TM4SF20: variants seen among roughly 807,000 people sequenced by gnomAD.
TM4SF20 encodes transmembrane 4 L six family member 20.
Under a neutral mutation model 15.1 loss-of-function variants are expected in TM4SF20, and 13 were observed. The observed-to-expected ratio is 0.86, with a 90% CI of 0.56 to 1.36. The LOEUF (loss-of-function observed/expected upper bound fraction) is 1.36, where lower values mean the gene tolerates loss of function less well. TM4SF20 is among the 40% of genes most tolerant of loss of function. The probability of loss-of-function intolerance (pLI) is 0.00; values close to 1 mark genes in which losing one functional copy is unlikely to be tolerated. For synonymous variants in TM4SF20, 92 were observed against 96.6 expected, an observed-to-expected ratio of 0.95 and a Z score of 0.28; for missense variants, 282 against 268.4, an observed-to-expected ratio of 1.05 and a Z score of -0.35.
Position 227,363,989 on chromosome 2 carries a change from T to C in TM4SF20, c.425A>G (p.Asn142Ser). 2 of 1,612,976 alleles carry C rather than the reference T, an allele frequency of 1.2e-6. No individual in the cohort carries two copies. Among genetic ancestry groups the C allele is most frequent in the South Asian group, 2.2e-5 (2 of 90,704 alleles). ...AGAGTCATTGAAAAACCACTGCAAG[T>C]TGAAGGATTCTGGATGAATGTCACT... ...NISDIHPESFNLQWFFNDSCA... is the reference protein window; with the variant it reads ...NISDIHPESFSLQWFFNDSCA... Residue 142 changes from asparagine (N) to serine (S), a missense_variant, in exon 4 of 4, where the codon AAC (asparagine) becomes AGC (serine). Asn to Ser is a conservative substitution (Grantham distance 46, BLOSUM62 1). Transcript: ENST00000304568.
At chr2:227,366,330 A>G in intron 2 of TM4SF20, 86 bp from the exon 3 acceptor site, 4 of 1,210,472 alleles carry the variant, frequency 3.3e-6, no homozygotes, top group Non-Finnish European at 4.6e-6. Context: ...AGTCTTTTTT[A>G]AATCCAGTCG....
At chr2:227,364,101 G>A (rs1359800217) in intron 3 of TM4SF20, 89 bp from the exon 4 acceptor site, 7 of 1,297,444 alleles carry the variant, frequency 5.4e-6, no homozygotes, top group East Asian at 2.5e-5. Context: ...TGAGTGAAAC[G>A]AATGTACTTT....
upstream of TM4SF20, among the ~76,000 whole-genome samples, chr2:227,380,777 G>A (rs2076476112): frequency 2.0e-5 from 3 of 152,282 alleles, no homozygotes; most frequent in South Asian, 4.1e-4. Flanking sequence ...TGCAGTCAGT[G>A]TGGGCCAAAA....
intron 2 of TM4SF20, among the ~76,000 whole-genome samples, chr2:227,369,515 G>T (rs2076410333): frequency 7.2e-6 from 1 of 138,618 alleles, no homozygotes; most frequent in Non-Finnish European, 1.5e-5. Flanking sequence ...TGAAACCTTT[G>T]CCTCCTGGGT....
At chr2:227,376,909 T>G (rs1237943463) in intron 1 of TM4SF20, among the ~76,000 whole-genome samples, 1 of 152,242 alleles carries the variant, frequency 6.6e-6, no homozygotes, top group Non-Finnish European at 1.5e-5. Flanking sequence ...ATGCACACAT[T>G]ATTATAGAGA....
intron 1 of TM4SF20, among the ~76,000 whole-genome samples, chr2:227,374,088 TAA>T (rs79866106): frequency 0.03 from 2,531 of 85,122 alleles, 73 homozygotes; most frequent in African/African-American, 0.11. Context: ...AGACCCTGTC[TAA>T]AAAAAAAAAA....
chr2:227,366,398 C>T (rs1443697990), intron 2 of TM4SF20, among the ~76,000 whole-genome samples, 154 bp from the exon 3 acceptor site: 1 of 151,932 alleles, frequency 6.6e-6, no homozygotes, highest in African/African-American at 2.4e-5. Flanking sequence ...TACAAAAAGG[C>T]AGAGGGCAGT....
chr2:227,379,690 G>C (rs75688724), upstream of TM4SF20, among the ~76,000 whole-genome samples: 2,598 of 152,336 alleles, frequency 0.017, 76 homozygotes, highest in East Asian at 0.12. Flanking sequence ...CGTATGAGAT[G>C]TGGAGAAAGG....
At chr2:227,377,995 TA>T (rs147928359) in intron 1 of TM4SF20, among the ~76,000 whole-genome samples, 27 of 151,300 alleles carry the variant, frequency 1.8e-4, no homozygotes, top group East Asian at 7.8e-4. Flanking sequence ...AAAAAAAAGT[TA>T]AAAAAAAGTC....
At chr2:227,374,642 T>C (rs1374056690) in intron 1 of TM4SF20, among the ~76,000 whole-genome samples, 1 of 152,140 alleles carries the variant, frequency 6.6e-6, no homozygotes, top group Non-Finnish European at 1.5e-5. Flanking sequence ...CCCCTAATTG[T>C]ATTTAGTTTG....
chr2:227,363,929 C>T lies in TM4SF20; in HGVS notation c.485G>A (p.Ser162Asn). ...APPTGFNKPT[S>N]NDTMASGWRA... ...CCAGCCACTCGCCATGGTGTCGTTA[C>T]TGGTGGGTTTATTGAAACCAGTAGG... The change falls in exon 4 of 4, where the codon AGT becomes AAT. Residue 162 changes from serine (S) to asparagine (N), a missense_variant. By Grantham distance (46) the Ser-to-Asn change is conservative (BLOSUM62 1). Transcript: ENST00000304568. 1 of 1,614,158 alleles carries T rather than the reference C, an allele frequency of 6.2e-7. No individual in the cohort carries two copies. Among genetic ancestry groups the T allele is most frequent in the Non-Finnish European group, 8.5e-7 (1 of 1,180,030 alleles).
At chr2:227,380,823 C>T (rs538821651), upstream of TM4SF20, among the ~76,000 whole-genome samples, 1 of 152,176 alleles carries the variant, frequency 6.6e-6, no homozygotes, top group Admixed American at 6.5e-5. Flanking sequence ...CAGCGCTCCA[C>T]CCTGCAGCAG....
chr2:227,371,054 C>G, intron 1 of TM4SF20, 74 bp from the exon 2 acceptor site: 1 of 1,236,512 alleles, frequency 8.1e-7, no homozygotes. Context: ...TCTTCACCTT[C>G]CGTTTACCAC....
intron 1 of TM4SF20, among the ~76,000 whole-genome samples, chr2:227,378,418 G>C (rs538013402): frequency 6.6e-6 from 1 of 152,326 alleles, no homozygotes; most frequent in East Asian, 1.9e-4. Context: ...ATTCATGTCA[G>C]TTATATTTAG....
Position 227,379,093 on chromosome 2 carries a change from C to A in TM4SF20, c.176G>T (p.Gly59Val). 1.2e-6 allele frequency: 2 copies of A among 1,614,030 alleles called. No individual in the cohort carries two copies. Among genetic ancestry groups the A allele is most frequent in the Non-Finnish European group, 1.7e-6 (2 of 1,179,968 alleles). The change falls in exon 1 of 4, where the codon GGT (glycine) becomes GTT (valine). Residue 59 changes from glycine (G) to valine (V), a missense_variant. Transcript: ENST00000304568. ...EWWFPGIIGA[G>V]LMAIPATTMS... Reference sequence around the variant, plus strand: ...CAAATAAATATCACTCACCATCAGACCTGCTCCTATAATTCCTGGGAACCA... The same window carrying A: ...CAAATAAATATCACTCACCATCAGAACTGCTCCTATAATTCCTGGGAACCA...
At chr2:227,365,169 C>T (rs1251649997) in intron 3 of TM4SF20, among the ~76,000 whole-genome samples, 7 of 152,220 alleles carry the variant, frequency 4.6e-5, no homozygotes, top group Admixed American at 3.3e-4. Flanking sequence ...CCTTGGTCTC[C>T]CAAAGTGCTG....
intron 2 of TM4SF20, among the ~76,000 whole-genome samples, chr2:227,366,878 A>G (rs1344287189): frequency 6.6e-6 from 1 of 152,016 alleles, no homozygotes; most frequent in African/African-American, 2.4e-5. Context: ...ACTTCATAGA[A>G]TCTTGACTGG....
chr2:227,376,599 G>T lies in TM4SF20; in HGVS notation c.183+2487C>A, dbSNP rs144981959. ...TTATATCTTTGATAATACTTACTGA[G>T]GGTGATAAAGTAAACTTAGCTGTAG... On this transcript the variant is annotated intron_variant, in intron 1 of 3. Coordinates refer to ENST00000304568, the MANE Select transcript of TM4SF20 (RefSeq NM_024795.4). Among the ~76,000 whole-genome samples the T allele has an allele frequency of 2.2e-4, 34 of 152,304 alleles. No homozygotes were observed. The East Asian group carries it at 6.0e-3, about 27-fold the overall frequency.
At chr2:227,373,422 C>A (rs2076430554) in intron 1 of TM4SF20, among the ~76,000 whole-genome samples, 1 of 152,168 alleles carries the variant, frequency 6.6e-6, no homozygotes, top group Non-Finnish European at 1.5e-5. Flanking sequence ...TTTTAGCTCC[C>A]AAATAGGTAT....
Sources: gnomAD v4.1 joint callset for allele counts (sites outside exome capture counted in the v4.1 genomes callset) on GRCh38, gnomAD v4.1.1 for gene constraint, MANE v1.5 for transcripts, NCBI Gene and HGNC (gene_info 2026-07-23, HGNC 2026-07-21) for gene names.